EBF2: variants seen among roughly 807,000 people sequenced by gnomAD.
The protein encoded by EBF2 is EBF transcription factor 2.
EBF2 carries 21 observed loss-of-function variants against 72.8 expected under a neutral mutation model. The ratio of observed to expected loss-of-function variants is 0.29; its 90% CI spans 0.20 to 0.42. The LOEUF is 0.42. Ranked by LOEUF, EBF2 falls within the 10% of genes least tolerant of loss-of-function variation. The probability of loss-of-function intolerance (pLI) is 1.00; values close to 1 mark genes in which losing one functional copy is unlikely to be tolerated. For missense variants in EBF2, 637 were observed against 731.2 expected (o/e 0.87, Z 1.49); for synonymous variants, 299 against 274.2 (o/e 1.09, Z -0.89).
intron 6 of EBF2, among the ~76,000 whole-genome samples, chr8:25,924,454 C>T (rs999287864): frequency 1.3e-5 from 2 of 152,062 alleles, no homozygotes; most frequent in Admixed American, 1.3e-4. Context: ...GGAAGGAGGG[C>T]GCGATGGATG....
At chr8:25,966,090 G>A (rs1348108106) in intron 6 of EBF2, among the ~76,000 whole-genome samples, 1 of 152,242 alleles carries the variant, frequency 6.6e-6, no homozygotes, top group Non-Finnish European at 1.5e-5. Flanking sequence ...CCAGAGGTAT[G>A]CATTTGACCC....
chr8:25,951,838 A>AAG (rs1190068034), intron 6 of EBF2, among the ~76,000 whole-genome samples: 2 of 152,248 alleles, frequency 1.3e-5, no homozygotes, highest in Non-Finnish European at 2.9e-5. Context: ...ACTGTATGCT[A>AAG]AGAGAAACAA....
chr8:26,005,011 G>A (rs1419237340), intron 6 of EBF2, among the ~76,000 whole-genome samples: 1 of 150,656 alleles, frequency 6.6e-6, no homozygotes, highest in Non-Finnish European at 1.5e-5. Flanking sequence ...TTTTGAGGTA[G>A]ACAAGAAATA....
At chr8:25,879,738 T>C (rs1278180901) in intron 10 of EBF2, among the ~76,000 whole-genome samples, 1 of 152,174 alleles carries the variant, frequency 6.6e-6, no homozygotes, top group Non-Finnish European at 1.5e-5. Context: ...CAAGGTGCCA[T>C]ATCTCCACTC....
chr8:25,920,889 GC>G (rs1158593374), intron 6 of EBF2, among the ~76,000 whole-genome samples: 2 of 151,630 alleles, frequency 1.3e-5, no homozygotes, highest in Non-Finnish European at 2.9e-5. Flanking sequence ...GATGTAGTGT[GC>G]TTTTTTTATG....
intron 7 of EBF2, among the ~76,000 whole-genome samples, chr8:25,901,306 T>C (rs1802948602): frequency 1.3e-5 from 2 of 151,318 alleles, no homozygotes; most frequent in Admixed American, 6.6e-5. Context: ...CCCGTAGTCC[T>C]AGCTACTTAA....
At chr8:25,886,350 C>A (rs1465095965) in intron 10 of EBF2, among the ~76,000 whole-genome samples, 1 of 152,192 alleles carries the variant, frequency 6.6e-6, no homozygotes, top group Admixed American at 6.5e-5. Flanking sequence ...ATGATGTTTA[C>A]CTTCTTGAAG....
intron 6 of EBF2, among the ~76,000 whole-genome samples, chr8:25,993,653 G>C (rs1490639633): frequency 1.3e-5 from 2 of 152,176 alleles, no homozygotes; most frequent in African/African-American, 4.8e-5. Flanking sequence ...TGCAACCACT[G>C]TGTGGAATGC....
chr8:25,970,261 G>C (rs1406883473), intron 6 of EBF2, among the ~76,000 whole-genome samples: 1 of 152,118 alleles, frequency 6.6e-6, no homozygotes, highest in East Asian at 1.9e-4. Context: ...TCCTAGGCTG[G>C]TACCAAAGCG....
At chr8:25,937,031 G>A (rs558163302) in intron 6 of EBF2, among the ~76,000 whole-genome samples, 4 of 152,320 alleles carry the variant, frequency 2.6e-5, no homozygotes, top group East Asian at 3.9e-4. Flanking sequence ...CTGATTTTTG[G>A]TAAGTATTTA....
chr8:25,907,487 A>G (rs1162939503), intron 7 of EBF2, among the ~76,000 whole-genome samples: 1 of 150,586 alleles, frequency 6.6e-6, no homozygotes, highest in Non-Finnish European at 1.5e-5. Context: ...ACAGCAAAAG[A>G]TAAACCTAGC....
chr8:25,887,882 C>T lies in EBF2; in HGVS notation c.842G>A (p.Gly281Asp). ...CATAGTCCCAAACACCACTTGGAGA[C>T]CATCAAAGAAGTTGTCCCCGATGAT... The part of the protein sequence containing the change: ...VIIIGDNFFD[G>D]LQVVFGTMLV... The change falls in exon 9 of 16, where the codon GGT becomes GAT. Residue 281 changes from glycine to aspartate, a missense_variant. Transcript: ENST00000520164. 1 of 1,613,748 alleles carries T rather than the reference C, an allele frequency of 6.2e-7. No individual in the cohort carries two copies. Among genetic ancestry groups the T allele is most frequent in the Non-Finnish European group, 8.5e-7 (1 of 1,179,840 alleles).
intron 7 of EBF2, among the ~76,000 whole-genome samples, chr8:25,891,316 G>A (rs146870953): frequency 4.9e-4 from 75 of 152,026 alleles, no homozygotes; most frequent in Non-Finnish European, 8.2e-4. Context: ...CCCAGAAGAC[G>A]AACCACCCTA....
chr8:25,865,902 G>A lies in EBF2; in HGVS notation c.1010-3105C>T, dbSNP rs1436420281. The stretch of plus-strand genomic sequence containing the variant: ...TAGCCGGGCGTGGTGGCGGGTGCCT[G>A]TAGTCCCAGCTACTCGGGAGGCTGA... On this transcript the variant is annotated intron_variant, in intron 10 of 15. Coordinates refer to ENST00000520164, the MANE Select transcript of EBF2 (RefSeq NM_022659.4). Among the ~76,000 whole-genome samples, 12 of 151,956 alleles carry A rather than the reference G, an allele frequency of 7.9e-5. No individual in the cohort carries two copies. In the East Asian group the frequency reaches 1.4e-3, roughly 18 times the overall value.
rs547752219 is a variant in EBF2 at position 25,972,029 on chromosome 8, G to C, written c.551+61056C>G. Among the ~76,000 whole-genome samples, 216 of 152,322 alleles carry C rather than the reference G, an allele frequency of 1.4e-3. 1 individual carries two copies. Among genetic ancestry groups the C allele is most frequent in the Non-Finnish European group, 2.3e-3 (159 of 68,020 alleles). Reference sequence around the variant, plus strand: ...AATCAAAAGGTTAGTGCTCTGCAAGGGGGTGGCAGAGCTGGCTCCAGCTGA... The same window carrying C: ...AATCAAAAGGTTAGTGCTCTGCAAGCGGGTGGCAGAGCTGGCTCCAGCTGA... On this transcript the variant is annotated intron_variant, in intron 6 of 15. Transcript: ENST00000520164.
intron 6 of EBF2, among the ~76,000 whole-genome samples, chr8:25,969,505 C>T (rs1804160292): frequency 6.6e-6 from 1 of 152,230 alleles, no homozygotes; most frequent in Admixed American, 6.5e-5. Context: ...ACAGGAAGTG[C>T]AGTACCCACA....
intron 6 of EBF2, among the ~76,000 whole-genome samples, chr8:25,974,753 C>T (rs183681684): frequency 1.5e-4 from 23 of 152,288 alleles, no homozygotes; most frequent in Admixed American, 4.6e-4. Context: ...CCTGCCCCCC[C>T]ATCCTACTGT....
chr8:25,859,093 C>T (rs951661562), intron 13 of EBF2, among the ~76,000 whole-genome samples: 8 of 152,098 alleles, frequency 5.3e-5, no homozygotes, highest in Non-Finnish European at 8.8e-5. Context: ...TGTGGAGTTC[C>T]CTCTCCCAAA....
At chr8:25,870,299 C>T (rs554335231) in intron 10 of EBF2, among the ~76,000 whole-genome samples, 5 of 151,144 alleles carry the variant, frequency 3.3e-5, no homozygotes, top group South Asian at 2.1e-4. Flanking sequence ...TGCAGATTTT[C>T]GTAGAGAAAA....
Sources: gnomAD v4.1 joint callset for allele counts (sites outside exome capture counted in the v4.1 genomes callset) on GRCh38, gnomAD v4.1.1 for gene constraint, MANE v1.5 for transcripts, NCBI Gene and HGNC (gene_info 2026-07-23, HGNC 2026-07-21) for gene names.